C8orf34: variants seen among roughly 807,000 people sequenced by gnomAD.
C8orf34 encodes uncharacterized protein C8orf34.
Under a neutral mutation model 68.3 loss-of-function variants are expected in C8orf34, and 65 were observed. The observed-to-expected ratio is 0.95, with a 90% CI of 0.78 to 1.17. The LOEUF is 1.17. Ranked by LOEUF, C8orf34 falls within the 50% of genes most tolerant of loss-of-function variation. The probability of loss-of-function intolerance (pLI) is 0.00; values close to 1 mark genes in which losing one functional copy is unlikely to be tolerated. For synonymous variants in C8orf34, 244 were observed against 241.2 expected (o/e 1.01, Z -0.11); for missense variants, 664 against 655.4 (o/e 1.01, Z -0.14).
intron 3 of C8orf34, among the ~76,000 whole-genome samples, chr8:68,452,322 G>A (rs1811378726): frequency 6.6e-6 from 1 of 151,234 alleles, no homozygotes; most frequent in Non-Finnish European, 1.5e-5. Context: ...TCGAGGAGCT[G>A]CCAACTTTTT....
At chr8:68,562,243 CTT>C (rs1176190535) in intron 7 of C8orf34, among the ~76,000 whole-genome samples, 1 of 152,138 alleles carries the variant, frequency 6.6e-6, no homozygotes, top group Non-Finnish European at 1.5e-5. Context: ...TCATTATAAT[CTT>C]ATGAGACCAC....
chr8:68,657,418 A>G (rs1350760964), intron 8 of C8orf34, among the ~76,000 whole-genome samples: 1 of 152,166 alleles, frequency 6.6e-6, no homozygotes, highest in Non-Finnish European at 1.5e-5. Context: ...ATGTGAGGAC[A>G]TACAGAAGGC....
intron 1 of C8orf34, among the ~76,000 whole-genome samples, chr8:68,424,375 T>C (rs1423657289): frequency 1.3e-5 from 2 of 152,164 alleles, no homozygotes; most frequent in Non-Finnish European, 2.9e-5. Flanking sequence ...AAATAGGATT[T>C]TGAGTCTACT....
intron 1 of C8orf34, among the ~76,000 whole-genome samples, chr8:68,342,486 C>T (rs1806112544): frequency 1.3e-5 from 2 of 152,326 alleles, no homozygotes; most frequent in East Asian, 1.9e-4. Flanking sequence ...CTCTCAAACT[C>T]AGCAGTGTAG....
intron 9 of C8orf34, among the ~76,000 whole-genome samples, chr8:68,710,948 T>C (rs1230330917): frequency 1.3e-5 from 2 of 152,128 alleles, no homozygotes; most frequent in Non-Finnish European, 2.9e-5. Context: ...GGGAAGGTGC[T>C]GGTATCCACA....
intron 10 of C8orf34, among the ~76,000 whole-genome samples, chr8:68,759,219 G>GA (rs1267492891): frequency 2.0e-5 from 3 of 151,766 alleles, no homozygotes; most frequent in African/African-American, 4.8e-5. Context: ...CTTACAGGAA[G>GA]AAAAAAATAT....
chr8:68,654,435 G>T (rs1819454319), intron 8 of C8orf34, among the ~76,000 whole-genome samples: 1 of 152,004 alleles, frequency 6.6e-6, no homozygotes, highest in African/African-American at 2.4e-5. Flanking sequence ...TTCTGCCCTT[G>T]TTCACTTTCT....
intron 13 of C8orf34, among the ~76,000 whole-genome samples, chr8:68,817,519 T>C (rs576828958): frequency 3.2e-4 from 48 of 152,234 alleles, no homozygotes; most frequent in African/African-American, 1.1e-3. Flanking sequence ...TTACTTCAGG[T>C]AATGTGAGTA....
chr8:68,341,880 A>G (rs1806084659), intron 1 of C8orf34, among the ~76,000 whole-genome samples: 1 of 152,198 alleles, frequency 6.6e-6, no homozygotes, highest in Non-Finnish European at 1.5e-5. Flanking sequence ...CTTTATAGCA[A>G]TGCAAGAATG....
intron 11 of C8orf34, among the ~76,000 whole-genome samples, chr8:68,780,431 C>T (rs10102551): frequency 2.6e-5 from 4 of 152,142 alleles, no homozygotes; most frequent in African/African-American, 9.7e-5. Flanking sequence ...TGTAGGATGG[C>T]AAAATAGTCA....
intron 1 of C8orf34, among the ~76,000 whole-genome samples, chr8:68,341,805 T>C (rs1806081667): frequency 6.6e-6 from 1 of 152,230 alleles, no homozygotes; most frequent in Non-Finnish European, 1.5e-5. Context: ...GCTTCTTGTA[T>C]AGCCTGCAGA....
intron 7 of C8orf34, among the ~76,000 whole-genome samples, chr8:68,577,844 T>TA (rs577935003): frequency 3.3e-5 from 5 of 150,228 alleles, no homozygotes; most frequent in Non-Finnish European, 5.9e-5. Flanking sequence ...TATTTCTGCT[T>TA]AAAAAAAAAC....
intron 7 of C8orf34, among the ~76,000 whole-genome samples, chr8:68,610,220 G>A (rs1315999631): frequency 2.0e-5 from 3 of 152,112 alleles, no homozygotes; most frequent in Admixed American, 2.0e-4. Flanking sequence ...ATTTCTAGGA[G>A]CTCTGGAAGA....
At chr8:68,395,550 C>G (rs1808668590) in intron 1 of C8orf34, among the ~76,000 whole-genome samples, 1 of 152,038 alleles carries the variant, frequency 6.6e-6, no homozygotes, top group African/African-American at 2.4e-5. Flanking sequence ...TTCTGCCTCA[C>G]CATGTCAAAT....
intron 1 of C8orf34, among the ~76,000 whole-genome samples, chr8:68,335,212 T>A (rs2129617787): frequency 6.6e-6 from 1 of 152,296 alleles, no homozygotes; most frequent in African/African-American, 2.4e-5. Context: ...AGTTACTCAC[T>A]TATGGCCAGA....
intron 2 of C8orf34, among the ~76,000 whole-genome samples, chr8:68,442,775 G>A (rs931875637): frequency 6.6e-6 from 1 of 152,168 alleles, no homozygotes; most frequent in African/African-American, 2.4e-5. Flanking sequence ...TCAGAGTTGA[G>A]CAGGGCAAGG....
intron 12 of C8orf34, among the ~76,000 whole-genome samples, chr8:68,806,661 G>A (rs1824496093): frequency 6.6e-6 from 1 of 152,080 alleles, no homozygotes; most frequent in African/African-American, 2.4e-5. Flanking sequence ...TTTAATCCTA[G>A]GTTCTTTGTA....
At chr8:68,531,255 C>T (rs1369427187) in intron 6 of C8orf34, among the ~76,000 whole-genome samples, 1 of 152,064 alleles carries the variant, frequency 6.6e-6, no homozygotes, top group African/African-American at 2.4e-5. Flanking sequence ...TCAATTTTTC[C>T]AGTAAAGTCC....
At chr8:68,624,372 T>C (rs1818475235) in intron 7 of C8orf34, among the ~76,000 whole-genome samples, 1 of 152,006 alleles carries the variant, frequency 6.6e-6, no homozygotes, top group South Asian at 2.1e-4. Flanking sequence ...ACAAATAATA[T>C]TATGTTAACT....
Sources: gnomAD v4.1 joint callset for allele counts (sites outside exome capture counted in the v4.1 genomes callset) on GRCh38, gnomAD v4.1.1 for gene constraint, MANE v1.5 for transcripts, NCBI Gene and HGNC (gene_info 2026-07-23, HGNC 2026-07-21) for gene names.